Variants in PDZRN3 observed in about 807,000 individuals in gnomAD.
PDZRN3 encodes E3 ubiquitin-protein ligase PDZRN3.
Under a neutral mutation model 85.7 loss-of-function variants are expected in PDZRN3, and 38 were observed. That is an observed-to-expected ratio of 0.44 (90% confidence interval 0.34 to 0.58). The LOEUF is 0.58. PDZRN3 is among the 20% of genes least tolerant of loss of function. PDZRN3 has a pLI of 0.01. For synonymous variants in PDZRN3, 759 were observed against 638.0 expected, an observed-to-expected ratio of 1.19 and a Z score of -2.86; for missense variants, 1,629 against 1,506.4, an observed-to-expected ratio of 1.08 and a Z score of -1.35.
rs1429244382 is a variant in PDZRN3, at chr3:73,402,960, T to TTTTTTTTTTTTTG, written c.1166+1187_1166+1188insCAAAAAAAAAAAA. Among the ~76,000 whole-genome samples the TTTTTTTTTTTTTG allele has an allele frequency of 1.0e-3, 101 of 99,004 alleles. 1 individual carries two copies. Among genetic ancestry groups the TTTTTTTTTTTTTG allele is most frequent in the African/African-American group, 3.6e-3 (97 of 27,232 alleles). 65.0% of individuals were successfully genotyped at this position (99,004 alleles called of 152,430 possible). On this transcript the variant is annotated intron_variant, in intron 4 of 9. Transcript: ENST00000263666. ...GAAAAGCTTTTTTTTTTTTTTTTTTTTGAGACGGAGTCTCGCTCTGTTGCC... is the reference window on the plus strand; with the variant it reads ...GAAAAGCTTTTTTTTTTTTTTTTTTTTTTTTTTTTTTTGTGAGACGGAGTCTCGCTCTGTTGCC...
chr3:73,611,926 C>T (rs1478321572), intron 1 of PDZRN3, among the ~76,000 whole-genome samples: 2 of 152,146 alleles, frequency 1.3e-5, no homozygotes, highest in Admixed American at 1.3e-4. Context: ...CATTCAGTTA[C>T]ATCCCACCAA....
At chr3:73,433,042 A>G (rs1164916668) in intron 3 of PDZRN3, among the ~76,000 whole-genome samples, 1 of 152,236 alleles carries the variant, frequency 6.6e-6, no homozygotes, top group Non-Finnish European at 1.5e-5. Flanking sequence ...AATGACTCAG[A>G]AGATACAAGT....
At chr3:73,584,686 T>C (rs759345293) in intron 3 of PDZRN3, among the ~76,000 whole-genome samples, 5 of 152,220 alleles carry the variant, frequency 3.3e-5, no homozygotes, top group Non-Finnish European at 7.3e-5. Context: ...CAGCATTCCA[T>C]GGCAGTCTCT....
intron 3 of PDZRN3, among the ~76,000 whole-genome samples, chr3:73,536,676 T>C (rs1425735210): frequency 2.0e-5 from 3 of 152,208 alleles, no homozygotes; most frequent in Admixed American, 2.0e-4. Flanking sequence ...GTGTCTAGAA[T>C]GCCACACGTG....
At chr3:73,397,479 A>G (rs1701663025) in intron 5 of PDZRN3, among the ~76,000 whole-genome samples, 1 of 152,240 alleles carries the variant, frequency 6.6e-6, no homozygotes, top group Non-Finnish European at 1.5e-5. Context: ...AGCAGGGATG[A>G]CAGGCATGTG....
chr3:73,554,902 T>C (rs1028171400), intron 3 of PDZRN3, among the ~76,000 whole-genome samples: 3 of 152,202 alleles, frequency 2.0e-5, no homozygotes, highest in Non-Finnish European at 4.4e-5. Context: ...GGAGAGTATG[T>C]CTAATAACAA....
intron 3 of PDZRN3, among the ~76,000 whole-genome samples, chr3:73,500,748 C>T (rs1230146009): frequency 6.6e-6 from 1 of 152,108 alleles, no homozygotes; most frequent in East Asian, 1.9e-4. Flanking sequence ...AAATTTATTC[C>T]AGGTCATTTC....
rs765656391 is a variant in PDZRN3, at chr3:73,457,458, T to C, written c.919-53063A>G. ...AAGAAATGGTATACTGAGTGGAGAA[T>C]GGCCCAATATGGGTTTGTTGGGTTC... is the stretch of plus-strand genomic sequence containing the variant. On this transcript the variant is annotated intron_variant, in intron 3 of 9. Transcript: ENST00000263666. 8.1e-4 allele frequency among the ~76,000 whole-genome samples: 124 copies of C among 152,186 alleles called. 1 individual carries two copies. Among genetic ancestry groups the C allele is most frequent in the African/African-American group, 3.0e-3 (123 of 41,526 alleles).
intron 3 of PDZRN3, among the ~76,000 whole-genome samples, chr3:73,579,886 C>T (rs912479040): frequency 3.9e-5 from 6 of 152,078 alleles, no homozygotes; most frequent in Non-Finnish European, 8.8e-5. Flanking sequence ...AATATTTAGA[C>T]TAAGCTCCTT....
intron 3 of PDZRN3, among the ~76,000 whole-genome samples, chr3:73,452,293 G>A (rs957253294): frequency 6.6e-6 from 1 of 152,042 alleles, no homozygotes; most frequent in African/African-American, 2.4e-5. Flanking sequence ...TAGGGGTGGG[G>A]TCACTAAAGA....
intron 3 of PDZRN3, among the ~76,000 whole-genome samples, chr3:73,574,457 T>TGGGGGGG (rs72092693): frequency 5.0e-4 from 60 of 120,508 alleles, no homozygotes; most frequent in Non-Finnish European, 6.0e-4. Flanking sequence ...TTGGCTGGGG[T>TGGGGGGG]GGGGGGGGTG....
chr3:73,384,510 CCAG>C lies in PDZRN3; in HGVS notation c.2053_2055del (p.Leu685del). On this transcript the variant is annotated inframe_deletion, in exon 10 of 10. Coordinates refer to ENST00000263666, the MANE Select transcript of PDZRN3 (RefSeq NM_015009.3). ...CTGCGCAGCTCTTCGTTCAGCAGCT[CCAG>C]CTCCTTGTCCACGCTCTCAGGGTCA... 6.2e-7 allele frequency: 1 copy of C among 1,613,728 alleles called. No individual in the cohort carries two copies.
At chr3:73,426,282 C>T (rs891377289) in intron 3 of PDZRN3, among the ~76,000 whole-genome samples, 15 of 151,916 alleles carry the variant, frequency 9.9e-5, no homozygotes, top group African/African-American at 3.6e-4. Flanking sequence ...TTATTTCCTA[C>T]TGCCACTCAA....
chr3:73,582,698 T>A (rs1159109332), intron 3 of PDZRN3, among the ~76,000 whole-genome samples: 2 of 152,120 alleles, frequency 1.3e-5, no homozygotes, highest in Non-Finnish European at 2.9e-5. Context: ...TGGATTTGGA[T>A]CCTGTCATCC....
Position 73,383,994 on chromosome 3 carries a change from C to T in PDZRN3, c.2572G>A (p.Ala858Thr). 2.5e-6 allele frequency: 4 copies of T among 1,589,566 alleles called. No homozygotes were observed. The highest frequency in any genetic ancestry group is 1.3e-5 in the African/African-American group (1 of 74,432). ...SPTPSQKLGS[A>T]YLPSYHHSPY... ...GAGTGGTGATAGGAGGGCAGGTAGGCGCTGCCCAGCTTCTGGCTGGGCGTG... is the reference window on the plus strand; with the variant it reads ...GAGTGGTGATAGGAGGGCAGGTAGGTGCTGCCCAGCTTCTGGCTGGGCGTG... The change falls in exon 10 of 10, where the codon GCC (alanine) becomes ACC (threonine). Residue 858 changes from alanine (A) to threonine (T), a missense_variant. By Grantham distance (58) the Ala-to-Thr change is moderately conservative. Coordinates refer to ENST00000263666, the MANE Select transcript of PDZRN3 (RefSeq NM_015009.3).
chr3:73,500,324 T>C (rs1190689582), intron 3 of PDZRN3, among the ~76,000 whole-genome samples: 1 of 152,182 alleles, frequency 6.6e-6, no homozygotes, highest in Non-Finnish European at 1.5e-5. Context: ...GCTGGGATTA[T>C]AGGCATGAGC....
chr3:73,434,971 C>T (rs998532680), intron 3 of PDZRN3, among the ~76,000 whole-genome samples: 12 of 152,178 alleles, frequency 7.9e-5, no homozygotes, highest in Non-Finnish European at 5.9e-5. Flanking sequence ...TTTTTCTCAA[C>T]GAAAATGGTC....
chr3:73,503,184 A>G (rs558546050), intron 3 of PDZRN3, among the ~76,000 whole-genome samples: 1 of 152,282 alleles, frequency 6.6e-6, no homozygotes, highest in South Asian at 2.1e-4. Context: ...AAGAAATTAA[A>G]CTAGTTTTAG....
At chr3:73,441,974 G>A (rs184596806) in intron 3 of PDZRN3, among the ~76,000 whole-genome samples, 164 of 152,298 alleles carry the variant, frequency 1.1e-3, no homozygotes, top group African/African-American at 2.9e-3. Flanking sequence ...TGAGTCTGGG[G>A]GATAGGAAGG....
Sources: gnomAD v4.1 joint callset for allele counts (sites outside exome capture counted in the v4.1 genomes callset) on GRCh38, gnomAD v4.1.1 for gene constraint, MANE v1.5 for transcripts, NCBI Gene and HGNC (gene_info 2026-07-23, HGNC 2026-07-21) for gene names.